Variants in NRXN3 observed in about 807,000 individuals in gnomAD.
NRXN3 encodes the protein neurexin 3.
NRXN3 carries 32 observed loss-of-function variants against 137.6 expected under a neutral mutation model. The observed-to-expected ratio is 0.23, with a 90% CI of 0.18 to 0.31. NRXN3 has a LOEUF of 0.31. NRXN3 is among the 10% of genes least tolerant of loss of function. The pLI, the probability that NRXN3 is intolerant of heterozygous loss-of-function variation, is 1.00. For synonymous variants in NRXN3, 798 were observed against 784.5 expected (o/e 1.02, Z -0.29); for missense variants, 1,574 against 2,062.5 (o/e 0.76, Z 4.59).
intron 20 of NRXN3, among the ~76,000 whole-genome samples, chr14:79,854,607 A>G (rs2293845): frequency 2.0e-5 from 3 of 152,124 alleles, no homozygotes; most frequent in Admixed American, 6.6e-5. Flanking sequence ...GAACTTTTTC[A>G]CCACCGTGTT....
At chr14:78,399,853 A>C (rs879588044) in intron 4 of NRXN3, among the ~76,000 whole-genome samples, 1 of 151,972 alleles carries the variant, frequency 6.6e-6, no homozygotes, top group Non-Finnish European at 1.5e-5. Flanking sequence ...AGAATGGTAG[A>C]AAAAGTCCTC....
rs1221198253 is a variant in NRXN3, at chr14:79,464,917, T to C, written c.3263-2304T>C. ...ATGAATTTGAAAATATTTTGCAAACTGTAAAGCAGCATGTATATGCTGCTA... is the reference window on the plus strand; with the variant it reads ...ATGAATTTGAAAATATTTTGCAAACCGTAAAGCAGCATGTATATGCTGCTA... On this transcript the variant is annotated intron_variant, in intron 15 of 20. Coordinates refer to ENST00000335750, the MANE Select transcript of NRXN3 (RefSeq NM_001330195.2). 2.6e-5 allele frequency among the ~76,000 whole-genome samples: 4 copies of C among 152,174 alleles called. 1 individual carries two copies. In the South Asian group the frequency reaches 6.2e-4, roughly 24 times the overall value.
At chr14:78,764,574 A>G (rs978122895) in intron 8 of NRXN3, among the ~76,000 whole-genome samples, 3 of 152,318 alleles carry the variant, frequency 2.0e-5, no homozygotes, top group African/African-American at 7.2e-5. Context: ...TTCTGGCTCC[A>G]TAGAGAATAA....
At chr14:78,943,617 AAAAAATAT>A (rs1207280959) in intron 10 of NRXN3, among the ~76,000 whole-genome samples, 23 of 40,528 alleles carry the variant, frequency 5.7e-4, no homozygotes, top group East Asian at 3.5e-3. Context: ...TGTTAAAAAA[AAAAAATAT>A]ATATATATAT....
At chr14:79,462,532 A>C (rs116611705) in intron 15 of NRXN3, among the ~76,000 whole-genome samples, 38 of 150,198 alleles carry the variant, frequency 2.5e-4, no homozygotes, top group African/African-American at 8.3e-4. Flanking sequence ...TATATATATA[A>C]AAAAATACAT....
chr14:79,743,554 C>T (rs2154081776), intron 19 of NRXN3, among the ~76,000 whole-genome samples: 1 of 152,268 alleles, frequency 6.6e-6, no homozygotes, highest in African/African-American at 2.4e-5. Context: ...AGGATGGGTT[C>T]TGAGAAATAA....
chr14:79,396,816 A>G (rs1021943581), intron 15 of NRXN3, among the ~76,000 whole-genome samples: 2 of 152,184 alleles, frequency 1.3e-5, no homozygotes, highest in African/African-American at 2.4e-5. Context: ...TTCTTTTTCA[A>G]CTACTACATA....
At chr14:78,909,375 A>C (rs2099229729) in intron 10 of NRXN3, among the ~76,000 whole-genome samples, 1 of 152,184 alleles carries the variant, frequency 6.6e-6, no homozygotes, top group Non-Finnish European at 1.5e-5. Flanking sequence ...TTGCTTGTTG[A>C]CTTTCTGAAC....
chr14:78,735,907 C>T (rs1482391246), intron 8 of NRXN3, among the ~76,000 whole-genome samples: 3 of 152,074 alleles, frequency 2.0e-5, no homozygotes, highest in Admixed American at 6.6e-5. Flanking sequence ...TAAGACATCC[C>T]CATTAGATGG....
rs2099413380 is a variant in NRXN3, at chr14:79,861,234, A to G, written c.4094-108A>G. The G allele has an allele frequency of 3.3e-6, 5 of 1,535,302 alleles. No individual in the cohort carries two copies. The highest frequency in any genetic ancestry group is 3.5e-6 in the Non-Finnish European group (4 of 1,146,500). On this transcript the variant is annotated intron_variant, in intron 20 of 20. Coordinates refer to ENST00000335750, the MANE Select transcript of NRXN3 (RefSeq NM_001330195.2). The surrounding 1 kb of genome is among the most constrained non-coding windows in gnomAD (Gnocchi z 5.4). ...TCGGACCAAGGCAGCGATGGTTGTG[A>G]TGATGATGGCTTGGTGATATCTGGG...
intron 16 of NRXN3, among the ~76,000 whole-genome samples, chr14:79,542,341 A>G (rs1048296758): frequency 6.6e-6 from 1 of 152,218 alleles, no homozygotes. Flanking sequence ...AGTTGTAATA[A>G]AATACATCAA....
At chr14:78,700,041 A>G (rs1351780176) in intron 6 of NRXN3, among the ~76,000 whole-genome samples, 2 of 152,218 alleles carry the variant, frequency 1.3e-5, no homozygotes, top group Non-Finnish European at 2.9e-5. Context: ...AGGTCCTTGT[A>G]CATTAATTGA....
rs916374889 is a variant in NRXN3, at chr14:78,657,788, A to T, written c.1221+6462A>T. 3.9e-5 allele frequency among the ~76,000 whole-genome samples: 6 copies of T among 152,064 alleles called. No individual in the cohort carries two copies. The East Asian group carries it at 1.2e-3, about 29-fold the overall frequency. On this transcript the variant is annotated intron_variant, in intron 6 of 20. Transcript: ENST00000335750. ...CTGTTAATTGCTATACGTTTATTTGAATTGCTGGCACCTGCGGGCTTTGGG... is the reference window on the plus strand; with the variant it reads ...CTGTTAATTGCTATACGTTTATTTGTATTGCTGGCACCTGCGGGCTTTGGG...
intron 15 of NRXN3, among the ~76,000 whole-genome samples, chr14:79,245,932 T>C (rs2075105372): frequency 6.6e-6 from 1 of 152,082 alleles, no homozygotes; most frequent in Non-Finnish European, 1.5e-5. Context: ...GTGTCAAGGG[T>C]CATAGGTCCT....
At chr14:78,557,132 C>T (rs2096746247) in intron 4 of NRXN3, among the ~76,000 whole-genome samples, 1 of 150,466 alleles carries the variant, frequency 6.6e-6, no homozygotes, top group African/African-American at 2.5e-5. Context: ...GTAGCCTTAA[C>T]TTCCCAGGCT....
chr14:78,969,749 C>A (rs1392150041), intron 14 of NRXN3, among the ~76,000 whole-genome samples: 1 of 151,660 alleles, frequency 6.6e-6, no homozygotes, highest in East Asian at 1.9e-4. Flanking sequence ...TAACCCACTC[C>A]ATTTTTCCTT....
At position 78,791,678 on chromosome 14, in the gene NRXN3, A is replaced by G. The variant is rs549975502; in HGVS notation, c.2045-11942A>G. Among the ~76,000 whole-genome samples, 32 of 152,298 alleles carry G rather than the reference A, an allele frequency of 2.1e-4. No individual in the cohort carries two copies. In the South Asian group the frequency reaches 3.7e-3, roughly 18 times the overall value. On this transcript the variant is annotated intron_variant, in intron 8 of 20. Coordinates refer to ENST00000335750, the MANE Select transcript of NRXN3 (RefSeq NM_001330195.2). ...AATCAAAAGAAAAGTCACCAGGAGC[A>G]CATGGATTCCCCTCCATTGCCTTGG...
intron 4 of NRXN3, among the ~76,000 whole-genome samples, chr14:78,350,528 G>A (rs76862988): frequency 0.037 from 5,700 of 152,108 alleles, 138 homozygotes; most frequent in South Asian, 0.086. Flanking sequence ...GGGCCAAAGA[G>A]GGAAGCAGAA....
intron 4 of NRXN3, among the ~76,000 whole-genome samples, chr14:78,636,835 T>A (rs918610433): frequency 7.3e-6 from 1 of 137,174 alleles, no homozygotes; most frequent in Non-Finnish European, 1.7e-5. Flanking sequence ...TTTTATTTTT[T>A]ATTTTTTTAG....
Sources: gnomAD v4.1 joint callset for allele counts (sites outside exome capture counted in the v4.1 genomes callset) on GRCh38, gnomAD v4.1.1 for gene constraint, Gnocchi (gnomAD v3.1) non-coding constraint, MANE v1.5 for transcripts, NCBI Gene and HGNC (gene_info 2026-07-23, HGNC 2026-07-21) for gene names.